RBPJ: variants seen among roughly 807,000 people sequenced by gnomAD.
The protein encoded by RBPJ is recombination signal binding protein for immunoglobulin kappa J region, also known as recombining binding protein suppressor of hairless.
A neutral mutation model predicts 67.8 loss-of-function variants in RBPJ; 9 were observed. That is an observed-to-expected ratio of 0.13 (90% CI 0.08 to 0.23). The LOEUF is 0.23. RBPJ is among the 10% of genes least tolerant of loss of function. The pLI is 1.00. For missense variants in RBPJ, 305 were observed against 595.6 expected, an observed-to-expected ratio of 0.51 and a Z score of 5.08; for synonymous variants, 198 against 203.3, an observed-to-expected ratio of 0.97 and a Z score of 0.22.
intron 1 of RBPJ, among the ~76,000 whole-genome samples, chr4:26,308,149 G>A (rs191750675): frequency 2.6e-5 from 4 of 152,108 alleles, no homozygotes; most frequent in African/African-American, 9.7e-5. Context: ...GGTGGCGGGC[G>A]CCTGTAGTCC....
intron 1 of RBPJ, among the ~76,000 whole-genome samples, chr4:26,252,575 G>A (rs1052401230): frequency 6.6e-6 from 1 of 152,258 alleles, no homozygotes; most frequent in African/African-American, 2.4e-5. Flanking sequence ...GACAGAGGGA[G>A]ACCGCTGACT....
the RBPJ span, among the ~76,000 whole-genome samples, chr4:26,120,109 G>T: frequency 4.2e-4 from 64 of 152,374 alleles, no homozygotes; most frequent in African/African-American, 1.5e-3. Flanking sequence ...GAAGCTGGAA[G>T]TGAGCAAGAC....
rs1721301238 is a variant in RBPJ, at chr4:26,282,266, T to C, written c.-166-80180T>C. On this transcript the variant is annotated intron_variant, in intron 1 of 4. Coordinates refer to the RBPJ transcript ENST00000512351. ...TTGAAAAAAAAATGTCCATTTCTGG[T>C]GCATTTATTTTTTTTCTGGGATAAA... 2.6e-5 allele frequency among the ~76,000 whole-genome samples: 4 copies of C among 152,198 alleles called. No homozygotes were observed. The South Asian group carries it at 8.3e-4, about 32-fold the overall frequency.
chr4:26,406,693 C>A (rs7349722), intron 3 of RBPJ, among the ~76,000 whole-genome samples: 83,131 of 152,092 alleles, frequency 0.55, 22,976 homozygotes, highest in Admixed American at 0.63. Flanking sequence ...TGATTTGCTA[C>A]TAACATAAAA....
intron 1 of RBPJ, among the ~76,000 whole-genome samples, chr4:26,367,673 A>T (rs913712591): frequency 1.3e-5 from 2 of 152,232 alleles, no homozygotes; most frequent in Non-Finnish European, 2.9e-5. Flanking sequence ...TTTCAGTAAC[A>T]TTTTAAATTT....
chr4:26,404,472 C>T (rs1405098207), intron 2 of RBPJ, among the ~76,000 whole-genome samples: 4 of 151,852 alleles, frequency 2.6e-5, no homozygotes, highest in Non-Finnish European at 4.4e-5. Context: ...ATTTTCAAAG[C>T]CTTTCATAGT....
chr4:26,191,213 A>C (rs1717523702), intron 1 of RBPJ, among the ~76,000 whole-genome samples: 1 of 29,060 alleles, frequency 3.4e-5, no homozygotes, highest in Non-Finnish European at 6.3e-5. Flanking sequence ...ATATATATAG[A>C]GAGAGAGAGA....
intron 1 of RBPJ, among the ~76,000 whole-genome samples, chr4:26,182,101 G>T (rs2109129279): frequency 6.6e-6 from 1 of 152,302 alleles, no homozygotes; most frequent in East Asian, 1.9e-4. Context: ...CCAGCACTTT[G>T]GGAGGCCGAG....
intron 1 of RBPJ, chr4:26,367,944 C>T (rs1728790581): frequency 6.6e-6 from 1 of 152,216 alleles, no homozygotes; most frequent in African/African-American, 2.4e-5. Flanking sequence ...TAGTTTTCTA[C>T]ACTTGGGAGT....
chr4:26,274,225 A>AGT (rs1253619119), intron 1 of RBPJ, among the ~76,000 whole-genome samples: 1 of 152,218 alleles, frequency 6.6e-6, no homozygotes, highest in Non-Finnish European at 1.5e-5. Flanking sequence ...CACCCACAAC[A>AGT]GTGCCACATA....
rs1037647640 is a variant in RBPJ, at chr4:26,312,135, A to T, written c.-166-50311A>T. On this transcript the variant is annotated intron_variant, in intron 1 of 4. Transcript: ENST00000512351. ...TACCAGGGCCTTCTTATTTTATTTT[A>T]TTTTATTTTTTTTTGAGACAGAGTC... Among the ~76,000 whole-genome samples, 44 of 147,592 alleles carry T rather than the reference A, an allele frequency of 3.0e-4. 1 individual carries two copies. The highest frequency in any genetic ancestry group is 2.3e-4 in the Non-Finnish European group (15 of 66,390).
the RBPJ span, among the ~76,000 whole-genome samples, chr4:26,143,878 A>G: frequency 6.6e-6 from 1 of 152,216 alleles, no homozygotes; most frequent in Non-Finnish European, 1.5e-5. Context: ...CAGTGAGCCA[A>G]GATGGTACCA....
chr4:26,271,439 G>C (rs1269651576), intron 1 of RBPJ, among the ~76,000 whole-genome samples: 1 of 152,142 alleles, frequency 6.6e-6, no homozygotes, highest in Non-Finnish European at 1.5e-5. Flanking sequence ...TGATTTGGGG[G>C]AAAGATGAAC....
At chr4:26,281,288 G>A (rs944263516) in intron 1 of RBPJ, among the ~76,000 whole-genome samples, 3 of 151,900 alleles carry the variant, frequency 2.0e-5, no homozygotes, top group African/African-American at 7.3e-5. Flanking sequence ...TTGTTTGTTT[G>A]TTTTTTTGAG....
rs1735450834 is a variant in RBPJ, at chr4:26,424,551, A to G, written c.634+72A>G. 6.4e-7 allele frequency: 1 copy of G among 1,565,460 alleles called. No homozygotes were observed. Among genetic ancestry groups the G allele is most frequent in the African/African-American group, 1.4e-5 (1 of 73,506 alleles). ...AAATCTTTTGATGAGATACATGGAT[A>G]TATTAAGTTTTGTCATTTGCCTAAT... is the stretch of plus-strand genomic sequence containing the variant. On this transcript the variant is annotated intron_variant, in intron 6 of 10. Transcript: ENST00000355476. This position sits in a 1 kb window ranked among gnomAD's most constrained non-coding sequence, Gnocchi z 5.3.
At chr4:26,161,128 G>A (rs1035702181), upstream of RBPJ, among the ~76,000 whole-genome samples, 2 of 152,260 alleles carry the variant, frequency 1.3e-5, no homozygotes, top group Admixed American at 6.5e-5. Context: ...TCCAAGCCTC[G>A]GCCTCAAGAG....
chr4:26,435,062 CTAATT>C (rs1332439705), downstream of RBPJ: 6 of 152,162 alleles, frequency 3.9e-5, no homozygotes, highest in Admixed American at 1.3e-4. Context: ...GATAGCTCTA[CTAATT>C]TAATTTCCTT....
intron 1 of RBPJ, among the ~76,000 whole-genome samples, chr4:26,328,716 C>A (rs935442683): frequency 2.6e-5 from 4 of 152,156 alleles, no homozygotes; most frequent in African/African-American, 9.7e-5. Context: ...GCAGCCTCAA[C>A]CTCCTGGGCT....
At chr4:26,221,261 T>A (rs1447794061) in intron 1 of RBPJ, among the ~76,000 whole-genome samples, 1 of 152,152 alleles carries the variant, frequency 6.6e-6, no homozygotes, top group Non-Finnish European at 1.5e-5. Context: ...CGGCTAATTT[T>A]TTGTATTTTT....
Sources: allele counts gnomAD v4.1 joint callset (sites outside exome capture counted in the v4.1 genomes callset), GRCh38; gene constraint gnomAD v4.1.1; non-coding constraint Gnocchi (gnomAD v3.1); transcripts MANE v1.5; gene names NCBI Gene and HGNC (gene_info 2026-07-23, HGNC 2026-07-21).